The following TBC1D28 variants were observed in gnomAD, a reference collection of about 807,000 sequenced individuals.
TBC1D28 encodes the protein TBC1 domain family, member 28.
A neutral mutation model predicts 29.2 loss-of-function variants in TBC1D28; 20 were observed. The observed-to-expected ratio is 0.68, with a 90% CI of 0.48 to 0.99. The LOEUF (loss-of-function observed/expected upper bound fraction) is 0.99. TBC1D28 is among the 50% of genes least tolerant of loss of function. TBC1D28 has a pLI of 0.00. For missense variants in TBC1D28, 205 were observed against 243.7 expected, an observed-to-expected ratio of 0.84 and a Z score of 1.06; for synonymous variants, 65 against 90.9, an observed-to-expected ratio of 0.71 and a Z score of 1.62.
rs551015408 is a variant in TBC1D28, at chr17:18,636,297, C to T, written c.*165G>A. The T allele has an allele frequency of 3.9e-5, 56 of 1,425,572 alleles. No individual in the cohort carries two copies. The Middle Eastern group carries it at 1.4e-3, about 36-fold the overall frequency. The allele number at this position is 1,425,572 out of a possible 1,614,324, so 88.3% of individuals were successfully genotyped here. ...AGGACCATCCTGTGTGGGACCCTGCCAAGCTCCTAGGCTTTGGGGCAACAC... is the reference window on the plus strand; with the variant it reads ...AGGACCATCCTGTGTGGGACCCTGCTAAGCTCCTAGGCTTTGGGGCAACAC... On this transcript the variant is annotated 3_prime_UTR_variant, in exon 9 of 9. Coordinates refer to ENST00000345096, the Ensembl canonical transcript of TBC1D28.
At chr17:18,639,090 C>T in intron 5 of TBC1D28, 85 bp downstream of exon 6, 3 of 1,327,374 alleles carry the variant, frequency 2.3e-6, no homozygotes, top group Non-Finnish European at 3.1e-6. Flanking sequence ...ACCACACAGG[C>T]CCACAGGCCA....
At position 18,641,368 on chromosome 17, in the gene TBC1D28, C is replaced by A. The variant is rs1467398471; in HGVS notation, c.-1-15G>T. 1 of 1,613,080 alleles carries A rather than the reference C, an allele frequency of 6.2e-7. No individual in the cohort carries two copies. The highest frequency in any genetic ancestry group is 8.5e-7 in the Non-Finnish European group (1 of 1,179,478). On this transcript the variant is annotated splice_polypyrimidine_tract_variant and intron_variant, in intron 2 of 8. Coordinates refer to ENST00000345096, the Ensembl canonical transcript of TBC1D28. ...CCATCTCCATCCTGCAAGACAAAGT[C>A]ATCCCAAGGCTCTCCCGCACCCAAG...
At chr17:18,638,530 C>A in intron 6 of TBC1D28, 91 bp downstream of exon 7, 1 of 1,347,194 alleles carries the variant, frequency 7.4e-7, no homozygotes, top group Non-Finnish European at 1.0e-6. Flanking sequence ...CACCCACCCA[C>A]TGAGAGGCAC....
Position 18,637,848 on chromosome 17 carries a change from G to A in TBC1D28, c.497+16C>T. The A allele has an allele frequency of 6.2e-7, 1 of 1,613,574 alleles. No individual in the cohort carries two copies. The highest frequency in any genetic ancestry group is 8.5e-7 in the Non-Finnish European group (1 of 1,179,768). ...CCCATCTTCTCTGGGACCCCTGCAA[G>A]CCCCATTGGCCTTACTTGACTCCGA... On this transcript the variant is annotated intron_variant, in intron 8 of 8. Coordinates refer to ENST00000345096, the Ensembl canonical transcript of TBC1D28.
chr17:18,636,558 T>C (rs779504959), exon 9 of TBC1D28: 2 of 1,614,040 alleles, frequency 1.2e-6, no homozygotes, highest in East Asian at 2.2e-5. Context: ...CAGGGTTATA[T>C]GCAGAATAGG....
chr17:18,640,258 ACCCCATCTGTTGTCCT>A (rs1399291330), intron 4 of TBC1D28, among the ~76,000 whole-genome samples: 1 of 148,732 alleles, frequency 6.7e-6, no homozygotes, highest in Non-Finnish European at 1.5e-5. Context: ...TTCCCTGCCC[ACCCCATCTGTTGTCCT>A]CCCCAGGCTG....
chr17:18,644,294 G>A (rs1202289003), upstream of TBC1D28: 1 of 152,004 alleles, frequency 6.6e-6, no homozygotes, highest in South Asian at 2.1e-4. Flanking sequence ...ACTCACCTGA[G>A]TCAGTTGAGT....
At chr17:18,643,407 A>G (rs533695899), upstream of TBC1D28, among the ~76,000 whole-genome samples, 767 of 149,580 alleles carry the variant, frequency 5.1e-3, 3 homozygotes, top group African/African-American at 0.018. Context: ...GAGGTCACCA[A>G]GCAACCATCT....
At chr17:18,636,955 C>T (rs781689262) in intron 8 of TBC1D28, among the ~76,000 whole-genome samples, 3 of 94,520 alleles carry the variant, frequency 3.2e-5, no homozygotes, top group African/African-American at 1.7e-4. Flanking sequence ...CCTCCCAGAG[C>T]GGCTCCTTCA....
chr17:18,641,368 C>T lies in TBC1D28; in HGVS notation c.-1-15G>A. 1.2e-6 allele frequency: 2 copies of T among 1,613,198 alleles called. No individual in the cohort carries two copies. The highest frequency in any genetic ancestry group is 8.5e-7 in the Non-Finnish European group (1 of 1,179,470). ...CCATCTCCATCCTGCAAGACAAAGT[C>T]ATCCCAAGGCTCTCCCGCACCCAAG... is the stretch of plus-strand genomic sequence containing the variant. On this transcript the variant is annotated splice_polypyrimidine_tract_variant and intron_variant, in intron 2 of 8. Coordinates refer to ENST00000345096, the Ensembl canonical transcript of TBC1D28.
chr17:18,638,596 G>A (rs376608505), intron 6 of TBC1D28, 25 bp downstream of exon 7: 32 of 1,614,080 alleles, frequency 2.0e-5, no homozygotes, highest in Non-Finnish European at 2.4e-5. Flanking sequence ...GAGCAGTCAC[G>A]GGGGCCGCTT....
chr17:18,641,329 A>G, exon 3 of TBC1D28: 2 of 1,613,900 alleles, frequency 1.2e-6, no homozygotes, highest in Non-Finnish European at 1.7e-6. Context: ...CAGGCAGGTT[A>G]TCCGGGTCCT....
chr17:18,643,197 TG>T (rs372271536), upstream of TBC1D28, among the ~76,000 whole-genome samples: 73 of 152,234 alleles, frequency 4.8e-4, 1 homozygote, highest in South Asian at 0.015. Flanking sequence ...AAGATGCAGA[TG>T]GGGGCTAGGG....
In TBC1D28 at chr17:18,639,185, A is replaced by G. The variant is rs2031654176; in HGVS notation, c.188T>C (p.Leu63Pro). The G allele has an allele frequency of 1.9e-6, 3 of 1,612,070 alleles. No individual in the cohort carries two copies. The East Asian group carries it at 6.7e-5, about 36-fold the overall frequency. The change falls in exon 5 of 9, where the codon CTG becomes CCG. Residue 63 changes from leucine (L) to proline (P), a missense_variant. By Grantham distance (98) the Leu-to-Pro change is moderately conservative. Coordinates refer to ENST00000345096, the Ensembl canonical transcript of TBC1D28. ...GGCACAGGCTCTTACCTTCACCTCC[A>G]GGGCACTGACGCGGGGCAGCTCCAT...
chr17:18,638,362 A>C, exon 7 of TBC1D28: 1 of 1,614,194 alleles, frequency 6.2e-7, no homozygotes, highest in Non-Finnish European at 8.5e-7. Context: ...ATCTAGCAAA[A>C]GTGACAACGC....
At chr17:18,636,452 C>T (rs375540219) in exon 9 of TBC1D28, 26 of 1,611,942 alleles carry the variant, frequency 1.6e-5, no homozygotes, top group African/African-American at 5.4e-5. Context: ...GGTGGACAAA[C>T]GCTGAATTTT....
chr17:18,643,754 A>G (rs2649514), upstream of TBC1D28, among the ~76,000 whole-genome samples: 426 of 152,252 alleles, frequency 2.8e-3, 4 homozygotes, highest in African/African-American at 9.8e-3. Flanking sequence ...GCCCACAGGC[A>G]GAGGGCTCCC....
exon 7 of TBC1D28, chr17:18,638,313 C>T (rs201879467): frequency 3.5e-5 from 56 of 1,613,996 alleles, no homozygotes; most frequent in Non-Finnish European, 4.5e-5. Context: ...AGGGACTTAC[C>T]TTATATTTGC....
chr17:18,635,384 G>T (rs1344426585), exon 9 of TBC1D28: 2 of 297,828 alleles, frequency 6.7e-6, no homozygotes, highest in Non-Finnish European at 5.0e-6. Context: ...CCCAGGAAGC[G>T]CCCGCGCTGG....
Sources: gnomAD v4.1 joint callset for allele counts (sites outside exome capture counted in the v4.1 genomes callset) on GRCh38, gnomAD v4.1.1 for gene constraint, MANE v1.5 for transcripts, NCBI Gene and HGNC (gene_info 2026-07-23, HGNC 2026-07-21) for gene names.